Variants in PLB1 observed in about 807,000 individuals in gnomAD.
PLB1 encodes the protein phospholipase B1, also known as phospholipase B1, membrane-associated.
PLB1 carries 242 observed loss-of-function variants against 227.4 expected under a neutral mutation model. That is an observed-to-expected ratio of 1.06 (90% CI 0.96 to 1.18). The LOEUF is 1.18. PLB1 is among the 50% of genes most tolerant of loss of function. The probability of loss-of-function intolerance (pLI) is 0.00; values close to 1 mark genes in which losing one functional copy is unlikely to be tolerated. For synonymous variants in PLB1, 757 were observed against 682.2 expected, an observed-to-expected ratio of 1.11 and a Z score of -1.71; for missense variants, 1,858 against 1,816.3, an observed-to-expected ratio of 1.02 and a Z score of -0.42.
At chr2:28,639,332 CA>C (rs34467682) in intron 56 of PLB1, among the ~76,000 whole-genome samples, 48,435 of 124,842 alleles carry the variant, frequency 0.39, 7,848 homozygotes, top group Non-Finnish European at 0.44. Context: ...AAGTTGAAGA[CA>C]AAAAAAAAAA....
intron 12 of PLB1, 26 bp downstream of exon 12, chr2:28,540,467 T>C (rs1275603915): frequency 1.9e-6 from 3 of 1,606,538 alleles, no homozygotes; most frequent in African/African-American, 2.7e-5. Flanking sequence ...GATCCCAAGC[T>C]GCTGGCTCAC....
At chr2:28,548,585 CTA>C (rs35161547) in intron 14 of PLB1, 399,864 of 454,214 alleles carry the variant, frequency 0.88, 176,087 homozygotes, top group East Asian at 0.97. Flanking sequence ...GAAGTCCCTT[CTA>C]TATATATATA....
chr2:28,641,668 G>C (rs998394619), intron 57 of PLB1, among the ~76,000 whole-genome samples: 4 of 152,052 alleles, frequency 2.6e-5, no homozygotes, highest in African/African-American at 9.7e-5. Context: ...TGGGGATCGG[G>C]AGGCAAAGAT....
intron 25 of PLB1, chr2:28,585,540 G>T: frequency 2.1e-6 from 1 of 475,382 alleles, no homozygotes; most frequent in South Asian, 2.2e-5. Context: ...GCCCACCAAA[G>T]TGCTGGCATT....
intron 52 of PLB1, 119 bp downstream of exon 52, chr2:28,628,747 A>C (rs1301639968): frequency 2.0e-6 from 2 of 1,003,936 alleles, no homozygotes; most frequent in Non-Finnish European, 3.1e-6. Flanking sequence ...GAGCACCTGG[A>C]TGGCAGGGAG....
At chr2:28,533,542 G>A (rs980587447) in intron 9 of PLB1, among the ~76,000 whole-genome samples, 10 of 152,184 alleles carry the variant, frequency 6.6e-5, no homozygotes, top group Admixed American at 1.3e-4. Context: ...ATGCAGTCAC[G>A]CACTGAAGTG....
intron 6 of PLB1, 70 bp from the exon 7 acceptor site, chr2:28,529,247 A>G: frequency 9.6e-7 from 1 of 1,037,958 alleles, no homozygotes; most frequent in Non-Finnish European, 1.5e-6. Flanking sequence ...TCCTGGCAGT[A>G]GGTAGGTCAG....
rs1679946332 is a variant in PLB1 at position 28,581,486 on chromosome 2, A to AAAT, written c.1567-580_1567-579insTAA. Among the ~76,000 whole-genome samples, 69 of 111,176 alleles carry AAAT rather than the reference A, an allele frequency of 6.2e-4. 2 individuals are homozygous for AAAT. The highest frequency in any genetic ancestry group is 2.7e-3 in the African/African-American group (66 of 24,052). The allele number at this position is 111,176 out of a possible 152,430, so 72.9% of individuals were successfully genotyped here. A position where few individuals can be genotyped will look rare whatever the true frequency, so the allele number is the denominator to read the frequency against. ...GAGTAGATCCAGAGCTCCACGCAAA[A>AAAT]AAATAAATAAATAAATAAATAAATA... On this transcript the variant is annotated intron_variant, in intron 23 of 57. Coordinates refer to ENST00000327757, the MANE Select transcript of PLB1 (RefSeq NM_153021.5).
At chr2:28,587,618 AAAATC>A (rs1428463579) in intron 26 of PLB1, among the ~76,000 whole-genome samples, 2 of 152,114 alleles carry the variant, frequency 1.3e-5, no homozygotes, top group Admixed American at 6.5e-5. Context: ...AAAAAAAAAA[AAAATC>A]AAAATCAGGC....
intron 13 of PLB1, among the ~76,000 whole-genome samples, chr2:28,542,907 C>T (rs1022402373): frequency 2.6e-5 from 4 of 152,214 alleles, no homozygotes; most frequent in African/African-American, 9.7e-5. Flanking sequence ...CATCCTTCTA[C>T]TCAGATCACA....
In PLB1 at chr2:28,519,034, T is replaced by C. The variant is rs567232840; in HGVS notation, c.184+502T>C. On this transcript the variant is annotated intron_variant, in intron 3 of 57. Transcript: ENST00000327757. The stretch of plus-strand genomic sequence containing the variant: ...GTTAAGCATGCTATTCTTACTGTTA[T>C]ATAAGGACTTTAGGTTGAAAAAGAA... Among the ~76,000 whole-genome samples the C allele has an allele frequency of 3.9e-5, 6 of 152,348 alleles. No homozygotes were observed. In the South Asian group the frequency reaches 1.0e-3, roughly 26 times the overall value.
At chr2:28,521,893 C>T (rs1572723736) in intron 4 of PLB1, among the ~76,000 whole-genome samples, 1 of 152,044 alleles carries the variant, frequency 6.6e-6, no homozygotes, top group East Asian at 1.9e-4. Flanking sequence ...TCCCTCCCCA[C>T]TCCGCCTCCC....
intron 9 of PLB1, among the ~76,000 whole-genome samples, chr2:28,537,748 GGT>G (rs140406549): frequency 0.019 from 2,947 of 151,734 alleles, 85 homozygotes; most frequent in African/African-American, 0.068. Flanking sequence ...GAAGGGGAGT[GGT>G]GTGTGTGTTG....
chr2:28,517,722 T>A (rs1195465990), intron 2 of PLB1, among the ~76,000 whole-genome samples: 3 of 152,224 alleles, frequency 2.0e-5, no homozygotes, highest in Non-Finnish European at 4.4e-5. Context: ...CTTAATTACT[T>A]CTTTTCCTGA....
In PLB1 at chr2:28,515,256, C is replaced by G. The variant is rs185118229; in HGVS notation, c.56-1552C>G. ...GGAGTGATGATCACCTTAAAATCAT[C>G]TCTTCAGAGACTGGTCACAGCTCCC... is the stretch of plus-strand genomic sequence containing the variant. On this transcript the variant is annotated intron_variant, in intron 1 of 57. Transcript: ENST00000327757. 3.9e-5 allele frequency among the ~76,000 whole-genome samples: 6 copies of G among 152,298 alleles called. No individual in the cohort carries two copies. In the East Asian group the frequency reaches 1.2e-3, roughly 29 times the overall value.
At chr2:28,632,856 A>G in intron 55 of PLB1, 88 bp from the exon 56 acceptor site, 1 of 889,776 alleles carries the variant, frequency 1.1e-6, no homozygotes, top group South Asian at 1.4e-5. Flanking sequence ...GAAAGGAGAC[A>G]TGCCCAGGGC....
intron 35 of PLB1, 95 bp downstream of exon 35, chr2:28,598,855 G>A: frequency 9.1e-7 from 1 of 1,098,854 alleles, no homozygotes; most frequent in Non-Finnish European, 1.4e-6. Flanking sequence ...ATGTGCAAAG[G>A]GGCACTTAGC....
At chr2:28,577,090 CA>C (rs1679087883) in intron 21 of PLB1, among the ~76,000 whole-genome samples, 1 of 152,204 alleles carries the variant, frequency 6.6e-6, no homozygotes, top group African/African-American at 2.4e-5. Context: ...TTAATTTCCC[CA>C]ACAACTCTGT....
intron 1 of PLB1, among the ~76,000 whole-genome samples, chr2:28,504,185 C>G (rs1162536183): frequency 6.6e-6 from 1 of 152,136 alleles, no homozygotes; most frequent in Admixed American, 6.5e-5. Context: ...CTCCATGTAC[C>G]ATGTCTCTTC....
Sources: allele counts gnomAD v4.1 joint callset (sites outside exome capture counted in the v4.1 genomes callset), GRCh38; gene constraint gnomAD v4.1.1; transcripts MANE v1.5; gene names NCBI Gene and HGNC (gene_info 2026-07-23, HGNC 2026-07-21).